Variants in DGKB observed in about 807,000 individuals in gnomAD.
DGKB encodes 90 kDa diacylglycerol kinase.
A neutral mutation model predicts 114.3 loss-of-function variants in DGKB; 67 were observed. That is an observed-to-expected ratio of 0.59 (90% confidence interval 0.48 to 0.72). The LOEUF is 0.72. Among genes scored for constraint, DGKB ranks in the 30% least tolerant of loss-of-function variants. The pLI, the probability that DGKB is intolerant of heterozygous loss-of-function variation, is 0.00. For missense variants in DGKB, 907 were observed against 975.2 expected (o/e 0.93, Z 0.93); for synonymous variants, 398 against 323.1 (o/e 1.23, Z -2.49).
At chr7:14,479,998 G>C (rs1326346157) in intron 20 of DGKB, among the ~76,000 whole-genome samples, 2 of 151,920 alleles carry the variant, frequency 1.3e-5, no homozygotes, top group Non-Finnish European at 2.9e-5. Context: ...AATTGTTTCT[G>C]CTAAGTTGGG....
chr7:14,939,225 T>C (rs138948294), intron 1 of DGKB, among the ~76,000 whole-genome samples: 2 of 152,332 alleles, frequency 1.3e-5, no homozygotes, highest in East Asian at 1.9e-4. Context: ...ATGAATTTCT[T>C]ATTGTATATG....
chr7:14,651,110 C>A (rs986566428), intron 13 of DGKB, among the ~76,000 whole-genome samples: 2 of 151,972 alleles, frequency 1.3e-5, no homozygotes, highest in African/African-American at 4.8e-5. Flanking sequence ...CTATTCCAAT[C>A]AATAGAAAAA....
rs55809480 is a variant in DGKB, at chr7:14,603,474, T to C, written c.1433+3960A>G. On this transcript the variant is annotated intron_variant, in intron 17 of 25. Transcript: ENST00000402815. ...GCTCTGATTTTCCTTAAATAAAATA[T>C]GGTAGAAATTTGGTTATATAAAATG... Among the ~76,000 whole-genome samples the C allele has an allele frequency of 5.3e-3, 811 of 152,224 alleles. 8 individuals carry two copies. Among genetic ancestry groups the C allele is most frequent in the African/African-American group, 0.018 (761 of 41,552 alleles).
At chr7:14,700,022 C>T (rs1824838238) in intron 7 of DGKB, among the ~76,000 whole-genome samples, 2 of 151,932 alleles carry the variant, frequency 1.3e-5, no homozygotes, top group South Asian at 4.2e-4. Context: ...AAACAACTCT[C>T]CTTGAAAATA....
At chr7:14,944,966 C>A (rs1785789317) in intron 1 of DGKB, among the ~76,000 whole-genome samples, 1 of 151,346 alleles carries the variant, frequency 6.6e-6, no homozygotes, top group Non-Finnish European at 1.5e-5. Flanking sequence ...TGAAAATAAT[C>A]TAGTAGAAAA....
intron 1 of DGKB, among the ~76,000 whole-genome samples, chr7:14,964,972 T>C (rs559373672): frequency 6.6e-6 from 1 of 152,194 alleles, no homozygotes; most frequent in East Asian, 1.9e-4. Context: ...ATAAGGGATA[T>C]GGATTGACTA....
At chr7:14,761,925 C>T (rs1835756814) in intron 2 of DGKB, among the ~76,000 whole-genome samples, 1 of 152,112 alleles carries the variant, frequency 6.6e-6, no homozygotes. Context: ...ATTGGGTCTC[C>T]TGGAAAGCAA....
At chr7:14,684,266 ACGAC>A (rs1250683594) in intron 10 of DGKB, among the ~76,000 whole-genome samples, 2 of 152,172 alleles carry the variant, frequency 1.3e-5, no homozygotes, top group African/African-American at 4.8e-5. Flanking sequence ...CTGCTAGCTA[ACGAC>A]AAACAAACAA....
At chr7:14,368,322 T>C (rs1817043476) in intron 21 of DGKB, among the ~76,000 whole-genome samples, 1 of 152,200 alleles carries the variant, frequency 6.6e-6, no homozygotes, top group Non-Finnish European at 1.5e-5. Flanking sequence ...TTCACCTTTA[T>C]AGTATCACAC....
intron 1 of DGKB, among the ~76,000 whole-genome samples, chr7:14,958,182 G>A (rs1042063379): frequency 6.6e-6 from 1 of 151,892 alleles, no homozygotes; most frequent in African/African-American, 2.4e-5. Context: ...ACTGTATAGA[G>A]GAAACTCACA....
At chr7:14,271,649 A>G (rs1798282056) in intron 23 of DGKB, among the ~76,000 whole-genome samples, 1 of 152,232 alleles carries the variant, frequency 6.6e-6, no homozygotes, top group South Asian at 2.1e-4. Context: ...ATTCTAAAAT[A>G]ATGGCAAAGC....
chr7:14,479,809 T>A (rs185542091), intron 20 of DGKB, among the ~76,000 whole-genome samples: 2 of 152,230 alleles, frequency 1.3e-5, no homozygotes, highest in East Asian at 3.9e-4. Context: ...AATTTTGAAA[T>A]GCACTTACTT....
At chr7:14,774,193 A>G (rs1837828467) in intron 2 of DGKB, among the ~76,000 whole-genome samples, 1 of 152,192 alleles carries the variant, frequency 6.6e-6, no homozygotes, top group African/African-American at 2.4e-5. Flanking sequence ...CTCTAATGGG[A>G]AGAGCCTGAG....
At chr7:14,309,032 A>G (rs1188014247) in intron 23 of DGKB, among the ~76,000 whole-genome samples, 2 of 152,102 alleles carry the variant, frequency 1.3e-5, no homozygotes, top group Non-Finnish European at 2.9e-5. Flanking sequence ...CCTCGGCAAC[A>G]TGGTAAGGCC....
chr7:14,350,653 G>A lies in DGKB; in HGVS notation c.1836-5262C>T, dbSNP rs536945330. ...TATTATTTTTCATGTATTTAGTGGG[G>A]ATTTAGGTGGCACAGGAAGATAATT... On this transcript the variant is annotated intron_variant, in intron 21 of 25. Coordinates refer to ENST00000402815, the MANE Select transcript of DGKB (RefSeq NM_001350709.2). Among the ~76,000 whole-genome samples the A allele has an allele frequency of 4.9e-4, 74 of 151,252 alleles. No homozygotes were observed. In the South Asian group the frequency reaches 7.5e-3, roughly 15 times the overall value.
intron 23 of DGKB, among the ~76,000 whole-genome samples, chr7:14,310,949 T>C (rs1805289900): frequency 1.3e-5 from 2 of 151,734 alleles, no homozygotes; most frequent in African/African-American, 4.8e-5. Context: ...GGGAACACAG[T>C]GAGACCTCGT....
intron 1 of DGKB, among the ~76,000 whole-genome samples, chr7:14,891,143 A>T (rs1288335650): frequency 1.3e-5 from 2 of 151,412 alleles, no homozygotes; most frequent in African/African-American, 4.8e-5. Context: ...CACCTTATCC[A>T]CAGGGAATAC....
At chr7:14,635,088 T>C (rs967102788) in intron 13 of DGKB, among the ~76,000 whole-genome samples, 1 of 151,550 alleles carries the variant, frequency 6.6e-6, no homozygotes, top group Non-Finnish European at 1.5e-5. Context: ...GCTACACATA[T>C]TGTAATCTTA....
rs963923809 is a variant in DGKB at position 14,444,198 on chromosome 7, T to C, written c.1835+33963A>G. ...GAGTTTTATAAATCCTCTTTATATC[T>C]ACAACTGCAACATTTTTATTTTCCT... On this transcript the variant is annotated intron_variant, in intron 21 of 25. Coordinates refer to ENST00000402815, the MANE Select transcript of DGKB (RefSeq NM_001350709.2). Among the ~76,000 whole-genome samples, 9 of 152,006 alleles carry C rather than the reference T, an allele frequency of 5.9e-5. 2 individuals are homozygous for C.
Sources: gnomAD v4.1 joint callset for allele counts (sites outside exome capture counted in the v4.1 genomes callset) on GRCh38, gnomAD v4.1.1 for gene constraint, MANE v1.5 for transcripts, NCBI Gene and HGNC (gene_info 2026-07-23, HGNC 2026-07-21) for gene names.